The following KCNQ3 variants were observed in gnomAD, a reference collection of about 807,000 sequenced individuals.
The protein encoded by KCNQ3 is potassium voltage-gated channel subfamily Q member 3, also known as potassium voltage-gated channel subfamily KQT member 3.
In KCNQ3, 30 loss-of-function variants were observed where a neutral mutation model predicts 92.5. That is an observed-to-expected ratio of 0.32 (90% CI 0.24 to 0.44). The LOEUF (loss-of-function observed/expected upper bound fraction) is 0.44, where lower values mean the gene tolerates loss of function less well. KCNQ3 is among the 20% of genes least tolerant of loss of function. The pLI is 1.00. For synonymous variants in KCNQ3, 450 were observed against 468.8 expected, an observed-to-expected ratio of 0.96 and a Z score of 0.52; for missense variants, 913 against 1,140.3, an observed-to-expected ratio of 0.80 and a Z score of 2.87.
intron 6 of KCNQ3, 22 bp downstream of exon 6, chr8:132,174,217 G>A: frequency 2.0e-6 from 3 of 1,510,684 alleles, no homozygotes; most frequent in Non-Finnish European, 1.8e-6. Flanking sequence ...CATTGGGGAT[G>A]TCATATATCA....
intron 1 of KCNQ3, among the ~76,000 whole-genome samples, chr8:132,418,218 A>C (rs1314988717): frequency 6.6e-6 from 1 of 152,212 alleles, no homozygotes; most frequent in Non-Finnish European, 1.5e-5. Context: ...TGAGGACAAG[A>C]TAAATATAAA....
chr8:132,181,769 G>A (rs1344460930), intron 3 of KCNQ3, among the ~76,000 whole-genome samples: 1 of 152,100 alleles, frequency 6.6e-6, no homozygotes, highest in Non-Finnish European at 1.5e-5. Context: ...AAAAGCTGAT[G>A]CCGGCCAGGC....
intron 1 of KCNQ3, among the ~76,000 whole-genome samples, chr8:132,478,376 C>T (rs1160028661): frequency 6.6e-6 from 1 of 152,138 alleles, no homozygotes; most frequent in African/African-American, 2.4e-5. Flanking sequence ...TCAGTCAGTA[C>T]GTACTGAACG....
chr8:132,357,738 C>T (rs1819055593), intron 1 of KCNQ3, among the ~76,000 whole-genome samples: 1 of 152,206 alleles, frequency 6.6e-6, no homozygotes, highest in African/African-American at 2.4e-5. Context: ...CTTCCTTGCT[C>T]AAAACCCACA....
At chr8:132,294,674 A>G (rs1586903323) in intron 1 of KCNQ3, among the ~76,000 whole-genome samples, 1 of 152,216 alleles carries the variant, frequency 6.6e-6, no homozygotes, top group African/African-American at 2.4e-5. Flanking sequence ...ACATTGCATC[A>G]AGCTGGTCAC....
chr8:132,166,795 A>G (rs924516595), intron 8 of KCNQ3, among the ~76,000 whole-genome samples: 4 of 152,226 alleles, frequency 2.6e-5, no homozygotes, highest in African/African-American at 9.6e-5. Context: ...ATATGGCATC[A>G]TGTTGCAGAT....
At chr8:132,187,120 T>C (rs1826995225) in intron 1 of KCNQ3, 2 of 454,996 alleles carry the variant, frequency 4.4e-6, no homozygotes, top group Non-Finnish European at 8.8e-6. Flanking sequence ...CTAGGGTTTA[T>C]GGGTGAAGCT....
intron 1 of KCNQ3, among the ~76,000 whole-genome samples, chr8:132,199,559 G>A (rs1305539220): frequency 2.0e-5 from 3 of 152,132 alleles, no homozygotes; most frequent in East Asian, 1.9e-4. Flanking sequence ...GGAATAAAAG[G>A]TTTCTTCTAA....
chr8:132,163,543 G>A, intron 8 of KCNQ3, 49 bp from the exon 9 acceptor site: 1 of 1,441,222 alleles, frequency 6.9e-7, no homozygotes, highest in Non-Finnish European at 9.8e-7. Flanking sequence ...ACGTGAAACA[G>A]CTGTATCCTT....
intron 9 of KCNQ3, among the ~76,000 whole-genome samples, chr8:132,159,051 T>A (rs1825899158): frequency 6.6e-6 from 1 of 152,194 alleles, no homozygotes; most frequent in Admixed American, 6.5e-5. Context: ...TTATCTATTT[T>A]GAGAATTTAA....
At chr8:132,213,515 C>T (rs1409210135) in intron 1 of KCNQ3, among the ~76,000 whole-genome samples, 1 of 152,176 alleles carries the variant, frequency 6.6e-6, no homozygotes, top group African/African-American at 2.4e-5. Flanking sequence ...CTGACAACTT[C>T]CCAGGGTCAG....
chr8:132,244,782 T>C (rs1815108066), intron 1 of KCNQ3, among the ~76,000 whole-genome samples: 1 of 152,170 alleles, frequency 6.6e-6, no homozygotes, highest in Admixed American at 6.6e-5. Context: ...GCCTAAGGGA[T>C]ACTTCTCTTA....
chr8:132,387,197 C>T (rs1819911243), intron 1 of KCNQ3, among the ~76,000 whole-genome samples: 1 of 152,164 alleles, frequency 6.6e-6, no homozygotes, highest in Admixed American at 6.5e-5. Flanking sequence ...AATAGGATAG[C>T]ATAATTCAAG....
chr8:132,277,989 A>C (rs535821940), intron 1 of KCNQ3: 1 of 985,334 alleles, frequency 1.0e-6, no homozygotes, highest in East Asian at 1.1e-4. Flanking sequence ...ACAGGACAGA[A>C]GGGATCATCC....
At chr8:132,217,730 A>ATAGTT (rs397815613) in intron 1 of KCNQ3, among the ~76,000 whole-genome samples, 1 of 150,396 alleles carries the variant, frequency 6.6e-6, no homozygotes, top group African/African-American at 2.5e-5. Flanking sequence ...AAAAAAAAAA[A>ATAGTT]CAAAACACTG....
At chr8:132,198,422 C>T (rs1445894759) in intron 1 of KCNQ3, among the ~76,000 whole-genome samples, 2 of 152,184 alleles carry the variant, frequency 1.3e-5, no homozygotes, top group African/African-American at 4.8e-5. Flanking sequence ...ATAACTAATA[C>T]TAGTTTTCCA....
chr8:132,303,657 G>GTGTGTGT (rs1817312791), intron 1 of KCNQ3, among the ~76,000 whole-genome samples: 2 of 66,374 alleles, frequency 3.0e-5, no homozygotes, highest in African/African-American at 5.8e-5. Context: ...ATATATTTAT[G>GTGTGTGT]GTGTGTGTGT....
At chr8:132,220,822 T>TAC (rs1216549735) in intron 1 of KCNQ3, among the ~76,000 whole-genome samples, 8 of 151,380 alleles carry the variant, frequency 5.3e-5, no homozygotes, top group South Asian at 2.1e-4. Flanking sequence ...TTTTTTTTAT[T>TAC]TTTTTTATTA....
intron 14 of KCNQ3, among the ~76,000 whole-genome samples, chr8:132,130,921 C>T (rs1009299663): frequency 6.6e-6 from 1 of 152,178 alleles, no homozygotes; most frequent in African/African-American, 2.4e-5. Flanking sequence ...ACACTGTCGT[C>T]AGGTGTATCA....
Sources: gnomAD v4.1 joint callset for allele counts (sites outside exome capture counted in the v4.1 genomes callset) on GRCh38, gnomAD v4.1.1 for gene constraint, MANE v1.5 for transcripts, NCBI Gene and HGNC (gene_info 2026-07-23, HGNC 2026-07-21) for gene names.